The following MPP4 variants were observed in gnomAD, a reference collection of about 807,000 sequenced individuals.
MPP4 encodes the protein MAGUK p55 scaffold protein 4, also known as MAGUK p55 subfamily member 4.
MPP4 carries 91 observed loss-of-function variants against 98.3 expected under a neutral mutation model. The observed-to-expected ratio is 0.93, with a 90% CI of 0.78 to 1.10. The LOEUF (loss-of-function observed/expected upper bound fraction) is 1.10. Among genes scored for constraint, MPP4 ranks in the 50% least tolerant of loss-of-function variants. The pLI, the probability that MPP4 is intolerant of heterozygous loss-of-function variation, is 0.00. For missense variants in MPP4, 744 were observed against 792.9 expected (o/e 0.94, Z 0.74); for synonymous variants, 261 against 271.8 (o/e 0.96, Z 0.39).
intron 14 of MPP4, chr2:201,662,046 A>G: frequency 2.6e-6 from 1 of 387,444 alleles, no homozygotes; most frequent in Non-Finnish European, 5.0e-6. Context: ...TAAATAATTT[A>G]GAAAAGTGGT....
chr2:201,645,741 C>T (rs1044062779), intron 21 of MPP4, among the ~76,000 whole-genome samples: 5 of 152,040 alleles, frequency 3.3e-5, no homozygotes, highest in African/African-American at 1.2e-4. Context: ...GCCTCTGCCT[C>T]CCAGGCTCAA....
intron 3 of MPP4, among the ~76,000 whole-genome samples, chr2:201,692,306 A>G (rs979673128): frequency 6.6e-6 from 1 of 152,100 alleles, no homozygotes; most frequent in Non-Finnish European, 1.5e-5. Flanking sequence ...CACTTTGGGA[A>G]GCTGAGCCGG....
intron 1 of MPP4, 144 bp downstream of exon 1, chr2:201,698,443 A>G (rs952496516): frequency 2.1e-5 from 11 of 514,810 alleles, no homozygotes; most frequent in African/African-American, 1.5e-4. Flanking sequence ...AAAATTCCCC[A>G]TATCATTTGA....
intron 11 of MPP4, among the ~76,000 whole-genome samples, chr2:201,674,150 A>C (rs1440441486): frequency 6.6e-6 from 1 of 152,262 alleles, no homozygotes; most frequent in African/African-American, 2.4e-5. Flanking sequence ...GTGCTTCTGA[A>C]CAGTGTGAAG....
intron 10 of MPP4, among the ~76,000 whole-genome samples, chr2:201,676,876 G>A (rs984011889): frequency 6.6e-6 from 1 of 152,226 alleles, no homozygotes; most frequent in African/African-American, 2.4e-5. Context: ...CTCCAGCCTG[G>A]TGACAGAGCA....
chr2:201,671,791 C>T (rs1272250947), intron 11 of MPP4, among the ~76,000 whole-genome samples: 2 of 152,152 alleles, frequency 1.3e-5, no homozygotes, highest in Admixed American at 6.5e-5. Context: ...GACTCCCACA[C>T]AATAATAGGG....
intron 15 of MPP4, among the ~76,000 whole-genome samples, chr2:201,659,141 C>A (rs1466290720): frequency 6.6e-6 from 1 of 152,204 alleles, no homozygotes; most frequent in Non-Finnish European, 1.5e-5. Flanking sequence ...GGTGATCCAC[C>A]CACCTCAGCC....
At chr2:201,660,405 A>G in intron 14 of MPP4, 59 bp from the exon 15 acceptor site, 1 of 1,580,534 alleles carries the variant, frequency 6.3e-7, no homozygotes, top group Non-Finnish European at 8.7e-7. Flanking sequence ...TAAGAAGATC[A>G]TGTTAGCCAT....
At chr2:201,669,044 G>C (rs1183517815) in intron 12 of MPP4, among the ~76,000 whole-genome samples, 1 of 151,902 alleles carries the variant, frequency 6.6e-6, no homozygotes, top group Non-Finnish European at 1.5e-5. Context: ...TGGCTAAGGG[G>C]ACACCTCTTT....
At chr2:201,681,056 C>T (rs748258182) in intron 9 of MPP4, 22 bp from the exon 10 acceptor site, 114 of 1,599,212 alleles carry the variant, frequency 7.1e-5, no homozygotes, top group South Asian at 3.4e-4. Context: ...TGCATAATGA[C>T]GCTATCAGAA....
At chr2:201,675,379 CT>C (rs1688481407) in intron 10 of MPP4, 108 bp from the exon 11 acceptor site, 4 of 1,109,852 alleles carry the variant, frequency 3.6e-6, no homozygotes, top group Admixed American at 4.2e-5. Flanking sequence ...TCTTAGAATT[CT>C]GCTGCCTTCA....
At chr2:201,683,949 G>A (rs777917752) in intron 7 of MPP4, among the ~76,000 whole-genome samples, 1 of 152,080 alleles carries the variant, frequency 6.6e-6, no homozygotes, top group Admixed American at 6.5e-5. Context: ...GCCAGGTGTG[G>A]TGGCTCATAC....
chr2:201,666,532 CCG>C, intron 12 of MPP4, 160 bp from the exon 13 acceptor site: 1 of 525,978 alleles, frequency 1.9e-6, no homozygotes, highest in Non-Finnish European at 3.3e-6. Context: ...ACCAACTTGA[CCG>C]ACATGGTGAA....
chr2:201,693,115 G>A lies in MPP4; in HGVS notation c.80-86C>T, dbSNP rs1318284969. ...TCAGATAGCTGGGGCATGCCATGGG[G>A]TCTCACCAGGAGTGGAAATGACACT... On this transcript the variant is annotated intron_variant, in intron 2 of 21. Transcript: ENST00000409474. 2.7e-6 allele frequency: 4 copies of A among 1,468,122 alleles called. No homozygotes were observed. The Admixed American group carries it at 8.0e-5, about 29-fold the overall frequency. The allele number at this position is 1,468,122 out of a possible 1,614,324, so 90.9% of individuals were successfully genotyped here. A position where few individuals can be genotyped will look rare whatever the true frequency, so the allele number is the denominator to read the frequency against.
rs541268857 is a variant in MPP4 at position 201,689,232 on chromosome 2, C to T, written c.279+970G>A. On this transcript the variant is annotated intron_variant, in intron 4 of 21. Transcript: ENST00000409474. ...CCTAGCAACTCAGGAGGCTGAGGCA[C>T]GAGAATTGCTTGAACCCAGGAGGCA... is the stretch of plus-strand genomic sequence containing the variant. Among the ~76,000 whole-genome samples the T allele has an allele frequency of 5.3e-5, 8 of 152,008 alleles. No individual in the cohort carries two copies. The South Asian group carries it at 1.7e-3, about 32-fold the overall frequency.
rs140743754 is a variant in MPP4 at position 201,669,819 on chromosome 2, G to T, written c.995-69C>A. On this transcript the variant is annotated intron_variant, in intron 11 of 21. Coordinates refer to ENST00000409474, the MANE Select transcript of MPP4 (RefSeq NM_033066.3). ...ACAGTATCTGTACTATATTTTCTCAGATTAATTTACAATAAGAAATGTAAT... is the reference window on the plus strand; with the variant it reads ...ACAGTATCTGTACTATATTTTCTCATATTAATTTACAATAAGAAATGTAAT... The T allele has an allele frequency of 7.3e-3, 8,674 of 1,196,208 alleles. 58 individuals are homozygous for T. Among genetic ancestry groups the T allele is most frequent in the South Asian group, 0.03 (924 of 31,318 alleles). 74.1% of individuals were successfully genotyped at this position (1,196,208 alleles called of 1,614,324 possible).
intron 10 of MPP4, among the ~76,000 whole-genome samples, chr2:201,678,670 G>A (rs563211402): frequency 4.6e-5 from 7 of 152,204 alleles, no homozygotes; most frequent in East Asian, 1.9e-4. Context: ...GATGGCTCGC[G>A]TCACATGGCT....
chr2:201,646,009 T>C (rs1687550010), intron 21 of MPP4, among the ~76,000 whole-genome samples: 1 of 152,224 alleles, frequency 6.6e-6, no homozygotes, highest in African/African-American at 2.4e-5. Flanking sequence ...ACTGAAGTTT[T>C]TATTTTAAAA....
At chr2:201,651,402 C>T (rs1346328683) in intron 18 of MPP4, 24 of 985,292 alleles carry the variant, frequency 2.4e-5, no homozygotes, top group Non-Finnish European at 2.4e-6. Context: ...CCTTATAGCT[C>T]TCAGGTGATA....
Sources: gnomAD v4.1 joint callset for allele counts (sites outside exome capture counted in the v4.1 genomes callset) on GRCh38, gnomAD v4.1.1 for gene constraint, MANE v1.5 for transcripts, NCBI Gene and HGNC (gene_info 2026-07-23, HGNC 2026-07-21) for gene names.